The following CMSS1 variants were observed in gnomAD, a reference collection of about 807,000 sequenced individuals.
CMSS1 encodes protein CMSS1.
Under a neutral mutation model 43.5 loss-of-function variants are expected in CMSS1, and 33 were observed. The ratio of observed to expected loss-of-function variants is 0.76; its 90% CI spans 0.57 to 1.01. The LOEUF (loss-of-function observed/expected upper bound fraction) is 1.01. Among genes scored for constraint, CMSS1 ranks in the 50% least tolerant of loss-of-function variants. The probability of loss-of-function intolerance (pLI) is 0.00; values close to 1 mark genes in which losing one functional copy is unlikely to be tolerated. For synonymous variants in CMSS1, 115 were observed against 117.2 expected (o/e 0.98, Z 0.12); for missense variants, 313 against 326.4 (o/e 0.96, Z 0.32).
intron 1 of CMSS1, among the ~76,000 whole-genome samples, chr3:100,125,095 T>C (rs769229259): frequency 4.6e-5 from 7 of 152,190 alleles, no homozygotes; most frequent in Non-Finnish European, 8.8e-5. Flanking sequence ...AATCTCTTTA[T>C]TGGGAGAGGT....
At position 100,130,565 on chromosome 3, in the gene CMSS1, C is replaced by T. The variant is rs78186324; in HGVS notation, c.65-16408C>T. ...ACCACAGCCCAGTAGGGAGGACAGA[C>T]GCAATGTGAAGAGTTTTCTAATACC... On this transcript the variant is annotated intron_variant, in intron 1 of 9. Transcript: ENST00000421999. Among the ~76,000 whole-genome samples, 939 of 152,256 alleles carry T rather than the reference C, an allele frequency of 6.2e-3. 10 individuals carry two copies. The highest frequency in any genetic ancestry group is 0.027 in the Middle Eastern group (8 of 294).
chr3:99,878,424 G>A (rs368635106), intron 1 of CMSS1, among the ~76,000 whole-genome samples: 1 of 152,210 alleles, frequency 6.6e-6, no homozygotes, highest in East Asian at 1.9e-4. Flanking sequence ...ATGATACAGG[G>A]ATTTAAAGCA....
chr3:99,909,231 T>G (rs1334586904), intron 1 of CMSS1, among the ~76,000 whole-genome samples: 2 of 152,176 alleles, frequency 1.3e-5, no homozygotes, highest in Admixed American at 1.3e-4. Flanking sequence ...AAAATTAATT[T>G]TCTGTCTGAT....
At chr3:99,879,819 C>G (rs1291969874) in intron 1 of CMSS1, among the ~76,000 whole-genome samples, 1 of 152,170 alleles carries the variant, frequency 6.6e-6, no homozygotes, top group East Asian at 1.9e-4. Context: ...TGTATAAGAC[C>G]TGGTCTTATG....
intron 1 of CMSS1, among the ~76,000 whole-genome samples, chr3:99,963,606 A>G (rs1158295387): frequency 6.6e-6 from 1 of 151,794 alleles, no homozygotes; most frequent in Non-Finnish European, 1.5e-5. Flanking sequence ...CTGAATATGC[A>G]TCCATTTTTT....
chr3:100,142,770 G>T (rs2066815463), intron 1 of CMSS1, among the ~76,000 whole-genome samples: 1 of 152,156 alleles, frequency 6.6e-6, no homozygotes, highest in Admixed American at 6.5e-5. Context: ...GAGGAAATTT[G>T]TATAAGGGAT....
At chr3:100,006,526 T>G (rs1709991384) in intron 1 of CMSS1, among the ~76,000 whole-genome samples, 1 of 152,152 alleles carries the variant, frequency 6.6e-6, no homozygotes, top group African/African-American at 2.4e-5. Flanking sequence ...AAAGTATTTT[T>G]TCTATATAGT....
At chr3:99,999,870 T>G (rs901317538) in intron 1 of CMSS1, among the ~76,000 whole-genome samples, 1 of 152,146 alleles carries the variant, frequency 6.6e-6, no homozygotes, top group African/African-American at 2.4e-5. Flanking sequence ...ATGCTAAAAT[T>G]TAATAGTTCA....
intron 1 of CMSS1, among the ~76,000 whole-genome samples, chr3:100,081,455 G>T (rs2065930556): frequency 6.6e-6 from 1 of 152,124 alleles, no homozygotes; most frequent in African/African-American, 2.4e-5. Flanking sequence ...TCTCTTAGAG[G>T]AATCTGATTA....
At chr3:99,820,889 A>T (rs535889039) in intron 1 of CMSS1, among the ~76,000 whole-genome samples, 2 of 152,238 alleles carry the variant, frequency 1.3e-5, no homozygotes, top group Non-Finnish European at 2.9e-5. Flanking sequence ...AAGGAAAGAT[A>T]GTTGTATTGG....
chr3:100,023,710 G>A (rs1283684113), intron 1 of CMSS1, among the ~76,000 whole-genome samples: 1 of 152,058 alleles, frequency 6.6e-6, no homozygotes, highest in Non-Finnish European at 1.5e-5. Context: ...GTATGTCATG[G>A]TATGCTGCAG....
intron 8 of CMSS1, among the ~76,000 whole-genome samples, chr3:100,174,183 G>A (rs2067131010): frequency 6.6e-6 from 1 of 152,120 alleles, no homozygotes; most frequent in Admixed American, 6.6e-5. Context: ...GAAAGTTAAG[G>A]AACAGATGAG....
intron 1 of CMSS1, chr3:99,849,313 C>T: frequency 3.1e-6 from 5 of 1,614,162 alleles, no homozygotes; most frequent in Non-Finnish European, 4.2e-6. Context: ...GGAAATTCTT[C>T]TTCCATTGAG....
intron 1 of CMSS1, among the ~76,000 whole-genome samples, chr3:99,997,637 A>T (rs1010011689): frequency 6.6e-6 from 1 of 152,242 alleles, no homozygotes; most frequent in African/African-American, 2.4e-5. Context: ...GTGCTTCCAG[A>T]AAAAGTAAAA....
chr3:100,032,081 A>G (rs899974572), intron 1 of CMSS1, among the ~76,000 whole-genome samples: 1 of 152,230 alleles, frequency 6.6e-6, no homozygotes, highest in Non-Finnish European at 1.5e-5. Context: ...GATCTAGCCC[A>G]TTAGCCATAG....
chr3:99,979,578 A>G (rs1247131457), intron 1 of CMSS1, among the ~76,000 whole-genome samples: 1 of 152,236 alleles, frequency 6.6e-6, no homozygotes, highest in Admixed American at 6.5e-5. Context: ...AAACTCCTTA[A>G]TGAAAATTCC....
chr3:100,163,878 TA>T (rs1453892429), intron 4 of CMSS1, among the ~76,000 whole-genome samples: 3 of 152,062 alleles, frequency 2.0e-5, no homozygotes, highest in Non-Finnish European at 4.4e-5. Context: ...TTGGAAAAAG[TA>T]GAGGGTGGCT....
At chr3:99,829,481 T>C (rs1202172756) in intron 1 of CMSS1, among the ~76,000 whole-genome samples, 3 of 152,206 alleles carry the variant, frequency 2.0e-5, no homozygotes, top group Admixed American at 2.0e-4. Flanking sequence ...GGCATATTCA[T>C]AGGTTATCAG....
At chr3:99,888,531 A>C (rs1195098240) in intron 1 of CMSS1, among the ~76,000 whole-genome samples, 1 of 152,194 alleles carries the variant, frequency 6.6e-6, no homozygotes, top group Non-Finnish European at 1.5e-5. Context: ...CTGAATATTA[A>C]TGAGTTGGTT....
Sources: gnomAD v4.1 joint callset for allele counts (sites outside exome capture counted in the v4.1 genomes callset) on GRCh38, gnomAD v4.1.1 for gene constraint, MANE v1.5 for transcripts, NCBI Gene and HGNC (gene_info 2026-07-23, HGNC 2026-07-21) for gene names.